TRIML1: variants seen among roughly 807,000 people sequenced by gnomAD.
The protein encoded by TRIML1 is tripartite motif family like 1, also known as probable E3 ubiquitin-protein ligase TRIML1.
In TRIML1, 34 loss-of-function variants were observed where a neutral mutation model predicts 32.3. That is an observed-to-expected ratio of 1.05 (90% CI 0.80 to 1.40). The LOEUF (loss-of-function observed/expected upper bound fraction) is 1.40, where lower values mean the gene tolerates loss of function less well. TRIML1 is among the 40% of genes most tolerant of loss of function. The pLI is 0.00. For missense variants in TRIML1, 595 were observed against 574.9 expected (o/e 1.03, Z -0.36); for synonymous variants, 244 against 226.6 (o/e 1.08, Z -0.69).
chr4:188,147,763 C>T (rs184591440), downstream of TRIML1: 231 of 157,838 alleles, frequency 1.5e-3, 1 homozygote, highest in Admixed American at 3.2e-3. Flanking sequence ...TCGAATGTGT[C>T]TTTGTCCTCC....
chr4:188,139,474 T>G lies in TRIML1; in HGVS notation c.-85T>G. On this transcript the variant is annotated 5_prime_UTR_variant, in exon 1 of 6. Transcript: ENST00000332517. ...AACATAGGAACAGGTCACCCGCGTG[T>G]TACTCAAAACTGTAGGACGGCAGTG... 1 of 1,377,472 alleles carries G rather than the reference T, an allele frequency of 7.3e-7. No homozygotes were observed. The highest frequency in any genetic ancestry group is 9.9e-7 in the Non-Finnish European group (1 of 1,011,594). 85.3% of individuals were successfully genotyped at this position (1,377,472 alleles called of 1,614,324 possible).
intron 5 of TRIML1, 59 bp from the exon 6 acceptor site, chr4:188,146,763 A>G (rs1285178416): frequency 2.4e-6 from 3 of 1,245,842 alleles, no homozygotes; most frequent in Non-Finnish European, 3.1e-6. Flanking sequence ...GAAATCTCAC[A>G]TACCTAAGAG....
At chr4:188,142,141 G>C in intron 2 of TRIML1, 111 bp from the exon 3 acceptor site, 1 of 670,670 alleles carries the variant, frequency 1.5e-6, no homozygotes, top group Non-Finnish European at 2.3e-6. Context: ...AAGAAAGAAA[G>C]AAACTCTAGG....
At chr4:188,149,089 A>AT (rs776724939), downstream of TRIML1, among the ~76,000 whole-genome samples, 2,091 of 138,452 alleles carry the variant, frequency 0.015, 49 homozygotes, top group Non-Finnish European at 0.017. Context: ...AAGTTTTTGT[A>AT]TTTTTTTTTT....
At position 188,140,636 on chromosome 4, in the gene TRIML1, C is replaced by G. The variant is rs745730600; in HGVS notation, c.504+13C>G. 5.7e-6 allele frequency: 9 copies of G among 1,585,934 alleles called. No individual in the cohort carries two copies. Among genetic ancestry groups the G allele is most frequent in the Non-Finnish European group, 6.9e-6 (8 of 1,154,570 alleles). Reference sequence around the variant, plus strand: ...GAAACTGTGCCAGGTCGGTGTCTGTCTGACTTTTGCTGCTTGTATATGACC... The same window carrying G: ...GAAACTGTGCCAGGTCGGTGTCTGTGTGACTTTTGCTGCTTGTATATGACC... On this transcript the variant is annotated intron_variant, in intron 2 of 5. Transcript: ENST00000332517.
downstream of TRIML1, among the ~76,000 whole-genome samples, chr4:188,148,351 G>C (rs1735160720): frequency 6.6e-6 from 1 of 151,626 alleles, no homozygotes; most frequent in Admixed American, 6.6e-5. Flanking sequence ...AAAATTAGCT[G>C]GGCATGATGG....
At chr4:188,139,373 A>C, upstream of TRIML1, 1 of 544,596 alleles carries the variant, frequency 1.8e-6, no homozygotes, top group South Asian at 3.5e-5. Flanking sequence ...ATTAAGTCAT[A>C]ATTGGCTTTG....
In TRIML1 at chr4:188,142,449, C is replaced by T. The variant is rs190559760; in HGVS notation, c.702C>T (p.Ser234=). The change falls in exon 3 of 6, where the codon TCC becomes TCT. Residue 234 remains serine, a synonymous_variant. Transcript: ENST00000332517. ...GCAAAATGATCGCACAGATTGAGTC[C>T]TCAAGTCAAAGCTCGGCTTTCGAAT... ...SLSKMIAQIE[S]SSQSSAFESL... 6.8e-6 allele frequency: 11 copies of T among 1,613,748 alleles called. No individual in the cohort carries two copies. The African/African-American group carries it at 9.3e-5, about 14-fold the overall frequency.
At chr4:188,144,644 GAGCCACTGCGCCC>G (rs1376210679) in intron 5 of TRIML1, among the ~76,000 whole-genome samples, 11 of 152,092 alleles carry the variant, frequency 7.2e-5, no homozygotes, top group African/African-American at 2.6e-4. Flanking sequence ...TTACAGGCGT[GAGCCACTGCGCCC>G]AGCCAATCCT....
At chr4:188,150,419 G>A (rs143504399), downstream of TRIML1, among the ~76,000 whole-genome samples, 54 of 152,240 alleles carry the variant, frequency 3.5e-4, no homozygotes, top group South Asian at 9.7e-3. Flanking sequence ...GTGAGCCACC[G>A]CACCTGGGCC....
At chr4:188,147,966 T>C (rs1254484066), downstream of TRIML1, among the ~76,000 whole-genome samples, 1 of 152,194 alleles carries the variant, frequency 6.6e-6, no homozygotes, top group African/African-American at 2.4e-5. Flanking sequence ...AATATTTGTG[T>C]GAATGTCGTC....
upstream of TRIML1, among the ~76,000 whole-genome samples, chr4:188,138,025 C>T (rs1734715960): frequency 1.3e-5 from 2 of 151,280 alleles, no homozygotes; most frequent in Non-Finnish European, 2.9e-5. Context: ...TTTCATGATG[C>T]CACCCTGATG....
chr4:188,139,468 C>T lies in TRIML1; in HGVS notation c.-91C>T, dbSNP rs1196103567. On this transcript the variant is annotated 5_prime_UTR_variant, in exon 1 of 6. Coordinates refer to ENST00000332517, the MANE Select transcript of TRIML1 (RefSeq NM_178556.5). ...CATAACAACATAGGAACAGGTCACC[C>T]GCGTGTTACTCAAAACTGTAGGACG... 20 of 1,305,566 alleles carry T rather than the reference C, an allele frequency of 1.5e-5. No individual in the cohort carries two copies. Among genetic ancestry groups the T allele is most frequent in the South Asian group, 4.4e-5 (3 of 68,814 alleles). 80.9% of individuals were successfully genotyped at this position (1,305,566 alleles called of 1,614,324 possible). A position where few individuals can be genotyped will look rare whatever the true frequency, so the allele number is the denominator to read the frequency against.
rs28547428 is a variant in TRIML1 at position 188,142,182 on chromosome 4, G to A, written c.505-70G>A. On this transcript the variant is annotated intron_variant, in intron 2 of 5. Transcript: ENST00000332517. ...TAAGGATTAAAAATCTACAGACAAG[G>A]GCATTTCTCTTACTAACTTTATCTC... The A allele has an allele frequency of 6.9e-3, 7,600 of 1,107,750 alleles. 404 individuals carry two copies. The African/African-American group carries it at 0.11, about 16-fold the overall frequency. The allele number at this position is 1,107,750 out of a possible 1,614,324, so 68.6% of individuals were successfully genotyped here.
chr4:188,145,794 C>G (rs1735056146), intron 5 of TRIML1, among the ~76,000 whole-genome samples: 1 of 151,930 alleles, frequency 6.6e-6, no homozygotes. Flanking sequence ...CCAGGCTGGG[C>G]AACAAGAGCA....
intron 2 of TRIML1, chr4:188,140,828 C>T (rs1043974584): frequency 2.4e-5 from 12 of 508,052 alleles, no homozygotes; most frequent in African/African-American, 2.1e-4. Context: ...CCTCTAGGAG[C>T]CTCCTTTGCA....
chr4:188,147,232 G>C lies in TRIML1; in HGVS notation c.1267G>C (p.Gly423Arg). The C allele has an allele frequency of 6.2e-7, 1 of 1,610,542 alleles. No individual in the cohort carries two copies. Among genetic ancestry groups the C allele is most frequent in the Non-Finnish European group, 8.5e-7 (1 of 1,178,274 alleles). ...YESGHIAFYN[G>R]TDESLIYSFP... ...ATCTGGACATATAGCATTCTACAAC[G>C]GGACGGATGAATCCCTCATCTACAG... is the stretch of plus-strand genomic sequence containing the variant. The change falls in exon 6 of 6, where the codon GGG becomes CGG. Residue 423 changes from glycine to arginine, a missense_variant. Coordinates refer to ENST00000332517, the MANE Select transcript of TRIML1 (RefSeq NM_178556.5).
rs777431860 is a variant in TRIML1 at position 188,147,395 on chromosome 4, A to G, written c.*23A>G. 7.5e-6 allele frequency: 11 copies of G among 1,459,186 alleles called. No homozygotes were observed. The South Asian group carries it at 9.4e-5, about 13-fold the overall frequency. 90.4% of individuals were successfully genotyped at this position (1,459,186 alleles called of 1,614,324 possible). A position where few individuals can be genotyped will look rare whatever the true frequency, so the allele number is the denominator to read the frequency against. On this transcript the variant is annotated 3_prime_UTR_variant, in exon 6 of 6. Coordinates refer to ENST00000332517, the MANE Select transcript of TRIML1 (RefSeq NM_178556.5). ...TGAGGGGCGTGCCCTGAGCCGTCACAGCGGGCGATGTCTGAGACCAAGACA... is the reference window on the plus strand; with the variant it reads ...TGAGGGGCGTGCCCTGAGCCGTCACGGCGGGCGATGTCTGAGACCAAGACA...
In TRIML1 at chr4:188,142,373, G is replaced by A. The variant is rs777795947; in HGVS notation, c.626G>A (p.Arg209Lys). ...GAACAGGAAGAGAAAGAGAACATGA[G>A]GAAGCTGAGGAACAATGAGATCAAA... ...LLEQEEKENM[R>K]KLRNNEIKLT... Residue 209 changes from arginine (R) to lysine (K), a missense_variant, in exon 3 of 6, where the codon AGG (arginine) becomes AAG (lysine). Arg to Lys is a conservative substitution (Grantham distance 26). Coordinates refer to ENST00000332517, the MANE Select transcript of TRIML1 (RefSeq NM_178556.5). The A allele has an allele frequency of 6.2e-6, 10 of 1,613,664 alleles. No homozygotes were observed. The highest frequency in any genetic ancestry group is 8.5e-6 in the Non-Finnish European group (10 of 1,179,976).
Sources: gnomAD v4.1 joint callset for allele counts (sites outside exome capture counted in the v4.1 genomes callset) on GRCh38, gnomAD v4.1.1 for gene constraint, MANE v1.5 for transcripts, NCBI Gene and HGNC (gene_info 2026-07-23, HGNC 2026-07-21) for gene names.